The following SLC35H1 variants were observed in gnomAD, a reference collection of about 807,000 sequenced individuals.
The protein encoded by SLC35H1 is ovarian cancer-overexpressed gene 1 protein.
the SLC35H1 span, among the ~76,000 whole-genome samples, chr20:46,354,687 C>A: frequency 6.6e-6 from 1 of 152,226 alleles, no homozygotes; most frequent in East Asian, 1.9e-4. Flanking sequence ...TGCACACTTA[C>A]TGTTACTGTT....
the SLC35H1 span, chr20:46,352,403 A>G: frequency 1.6e-6 from 1 of 617,518 alleles, no homozygotes; most frequent in Non-Finnish European, 2.8e-6. Context: ...AGATGGCCTG[A>G]GACCTGGGGA....
At chr20:46,354,130 G>A in the SLC35H1 span, among the ~76,000 whole-genome samples, 2 of 152,268 alleles carry the variant, frequency 1.3e-5, no homozygotes, top group East Asian at 1.9e-4. Flanking sequence ...CATCCCTGGA[G>A]GACGACAGTG....
chr20:46,349,634 G>A, the SLC35H1 span: 9 of 152,478 alleles, frequency 5.9e-5, no homozygotes, highest in South Asian at 4.1e-4. Context: ...AAAAAACTAC[G>A]GCACAGACAG....
chr20:46,357,407 G>T, the SLC35H1 span, among the ~76,000 whole-genome samples: 1 of 152,360 alleles, frequency 6.6e-6, no homozygotes, highest in East Asian at 1.9e-4. Flanking sequence ...GTGCAGGGGG[G>T]GTTTTGTGGG....
At chr20:46,350,469 C>G in the SLC35H1 span, 17 of 1,613,484 alleles carry the variant, frequency 1.1e-5, no homozygotes, top group African/African-American at 1.1e-4. Flanking sequence ...TCCGGAGCAG[C>G]AGCTCCAGGT....
chr20:46,358,811 T>G, the SLC35H1 span: 1 of 1,217,732 alleles, frequency 8.2e-7, no homozygotes, highest in African/African-American at 1.5e-5. Context: ...GAGACTGTGC[T>G]TCTCGTAGCC....
the SLC35H1 span, chr20:46,350,077 T>C: frequency 4.7e-6 from 1 of 214,962 alleles, no homozygotes; most frequent in Non-Finnish European, 9.2e-6. Flanking sequence ...AGAAAGCTGC[T>C]GTGCCTTGGA....
chr20:46,347,161 GAGA>G, the SLC35H1 span: 3 of 152,166 alleles, frequency 2.0e-5, no homozygotes, highest in Admixed American at 6.5e-5. Context: ...AACAGGCTCG[GAGA>G]AGATCAGCAA....
the SLC35H1 span, among the ~76,000 whole-genome samples, chr20:46,356,838 G>A: frequency 6.6e-6 from 1 of 152,224 alleles, no homozygotes; most frequent in Non-Finnish European, 1.5e-5. Context: ...TAGCATTAGG[G>A]CTGGGGCCCA....
the SLC35H1 span, among the ~76,000 whole-genome samples, chr20:46,353,875 C>T: frequency 1.3e-5 from 2 of 151,814 alleles, no homozygotes; most frequent in Non-Finnish European, 2.9e-5. Flanking sequence ...AAAACGAGGC[C>T]CTGAACAGAA....
chr20:46,352,330 T>C, the SLC35H1 span: 1 of 972,634 alleles, frequency 1.0e-6, no homozygotes, highest in East Asian at 2.4e-5. Flanking sequence ...GAGTTCTTAC[T>C]GAGACCTGCT....
the SLC35H1 span, chr20:46,348,161 T>TTGGGTGGGC: frequency 7.6e-6 from 1 of 131,388 alleles, no homozygotes; most frequent in East Asian, 2.7e-4. Context: ...GGCCAGGCGA[T>TTGGGTGGGC]TGGGTGGGCT....
At chr20:46,354,399 T>C in the SLC35H1 span, among the ~76,000 whole-genome samples, 8 of 152,030 alleles carry the variant, frequency 5.3e-5, no homozygotes, top group Non-Finnish European at 1.0e-4. Flanking sequence ...TACTCCAGCA[T>C]CTTGGAACAA....
chr20:46,356,430 G>A, the SLC35H1 span: 14 of 761,422 alleles, frequency 1.8e-5, no homozygotes, highest in East Asian at 3.2e-4. Flanking sequence ...GAGAGCTGCT[G>A]GGTGCCAGGG....
At chr20:46,362,448 T>A in the SLC35H1 span, among the ~76,000 whole-genome samples, 1 of 152,260 alleles carries the variant, frequency 6.6e-6, no homozygotes, top group East Asian at 1.9e-4. Flanking sequence ...GCAGCATGGT[T>A]TAGTGCTTAA....
At chr20:46,348,052 C>T in the SLC35H1 span, 7 of 151,892 alleles carry the variant, frequency 4.6e-5, no homozygotes, top group African/African-American at 1.7e-4. Flanking sequence ...GCAAGCACCG[C>T]GTTGCCATGG....
the SLC35H1 span, among the ~76,000 whole-genome samples, chr20:46,362,199 C>T: frequency 6.6e-6 from 1 of 152,172 alleles, no homozygotes; most frequent in African/African-American, 2.4e-5. Context: ...TGTAGGCCCA[C>T]CACTGGAGAC....
At chr20:46,355,097 T>C in the SLC35H1 span, 5 of 1,614,036 alleles carry the variant, frequency 3.1e-6, no homozygotes, top group Non-Finnish European at 4.2e-6. This position sits in a 1 kb window ranked among gnomAD's most constrained non-coding sequence, Gnocchi z 4.8. Context: ...TGCAGGAGCA[T>C]CTGGGTGAGG....
At chr20:46,357,125 G>A in the SLC35H1 span, among the ~76,000 whole-genome samples, 89 of 152,144 alleles carry the variant, frequency 5.8e-4, no homozygotes, top group African/African-American at 2.0e-3. Flanking sequence ...AATCTCCCTC[G>A]GGCCACGAGG....
Sources: allele counts gnomAD v4.1 joint callset (sites outside exome capture counted in the v4.1 genomes callset), GRCh38; gene constraint gnomAD v4.1.1; non-coding constraint Gnocchi (gnomAD v3.1); transcripts MANE v1.5; gene names NCBI Gene and HGNC (gene_info 2026-07-23, HGNC 2026-07-21).